Variants in SEC24D observed in about 807,000 individuals in gnomAD.
SEC24D encodes the protein SEC24 homolog D, COPII component, also known as protein transport protein Sec24D.
SEC24D carries 69 observed loss-of-function variants against 116.9 expected under a neutral mutation model. That is an observed-to-expected ratio of 0.59 (90% CI 0.49 to 0.72). The LOEUF (loss-of-function observed/expected upper bound fraction) is 0.72, where lower values mean the gene tolerates loss of function less well. SEC24D is among the 30% of genes least tolerant of loss of function. The pLI is 0.00. For synonymous variants in SEC24D, 405 were observed against 442.8 expected, an observed-to-expected ratio of 0.91 and a Z score of 1.07; for missense variants, 1,131 against 1,264.1, an observed-to-expected ratio of 0.89 and a Z score of 1.60.
At chr4:118,809,073 A>G (rs1452011310) in intron 6 of SEC24D, among the ~76,000 whole-genome samples, 5 of 151,692 alleles carry the variant, frequency 3.3e-5, no homozygotes, top group Non-Finnish European at 7.4e-5. Flanking sequence ...TCCCAGGTTC[A>G]TGCCATTCTC....
intron 8 of SEC24D, among the ~76,000 whole-genome samples, chr4:118,793,317 ATTAGCCGGGC>A (rs1729020445): frequency 6.6e-6 from 1 of 151,414 alleles, no homozygotes; most frequent in Admixed American, 6.6e-5. Flanking sequence ...AATACAAAAA[ATTAGCCGGGC>A]GTAGTGGCGG....
At chr4:118,781,438 A>G (rs1014640177) in intron 8 of SEC24D, among the ~76,000 whole-genome samples, 3 of 152,006 alleles carry the variant, frequency 2.0e-5, no homozygotes, top group African/African-American at 7.3e-5. Flanking sequence ...TGGCTTGTAG[A>G]GTTTTTGCCT....
chr4:118,825,614 T>C (rs1185689416), intron 2 of SEC24D: 3 of 456,174 alleles, frequency 6.6e-6, no homozygotes, highest in Middle Eastern at 3.3e-4. Flanking sequence ...ACCTCAGTTT[T>C]CTTCCTGTAA....
At chr4:118,812,211 T>C (rs4834706) in intron 6 of SEC24D, among the ~76,000 whole-genome samples, 51,253 of 152,062 alleles carry the variant, frequency 0.34, 10,119 homozygotes, top group East Asian at 0.55. Context: ...CTATCTATGA[T>C]GGGCAGAGTG....
chr4:118,807,520 AG>A (rs1729725258), intron 6 of SEC24D, among the ~76,000 whole-genome samples: 1 of 151,072 alleles, frequency 6.6e-6, no homozygotes, highest in Admixed American at 6.6e-5. Context: ...GTGTAAGAAG[AG>A]GAAAAAAAAA....
intron 3 of SEC24D, among the ~76,000 whole-genome samples, chr4:118,818,203 G>A (rs34057511): frequency 0.35 from 53,937 of 152,026 alleles, 10,632 homozygotes; most frequent in East Asian, 0.55. Flanking sequence ...CTGCCTGAGA[G>A]TCACATTATA....
chr4:118,835,901 G>C (rs1364450931), intron 1 of SEC24D, 40 bp downstream of exon 1: 1 of 152,400 alleles, frequency 6.6e-6, no homozygotes, highest in Non-Finnish European at 1.5e-5. Context: ...CCTGGGCAGG[G>C]CTGTCCCGCA....
At chr4:118,724,160 T>C (rs1000637570) in intron 22 of SEC24D, among the ~76,000 whole-genome samples, 7 of 151,850 alleles carry the variant, frequency 4.6e-5, no homozygotes, top group Admixed American at 3.3e-4. Context: ...ATTCGTGAGA[T>C]GAGGGACACT....
intron 3 of SEC24D, among the ~76,000 whole-genome samples, chr4:118,819,571 A>C (rs953603533): frequency 6.6e-6 from 1 of 151,600 alleles, no homozygotes; most frequent in African/African-American, 2.4e-5. Context: ...CATAGGGAAT[A>C]AATGAAGTAA....
In SEC24D at chr4:118,824,657, G is replaced by T. The variant is rs765694539; in HGVS notation, c.211C>A (p.Gln71Lys). The T allele has an allele frequency of 6.2e-7, 1 of 1,607,274 alleles. No homozygotes were observed. Among genetic ancestry groups the T allele is most frequent in the Non-Finnish European group, 8.5e-7 (1 of 1,177,604 alleles). The change falls in exon 3 of 23, where the codon CAG becomes AAG. Residue 71 changes from glutamine (Q) to lysine (K), a missense_variant. Gln to Lys is a moderately conservative substitution (Grantham distance 53). Transcript: ENST00000280551. ...TGACCAGTGGCATGAGCTCCATTCT[G>T]ACCAAACTGATGGGGTCCAGGAGGT... ...PPPPGPHQFG[Q>K]NGAHATGHPP...
At chr4:118,783,229 C>T (rs1728509604) in intron 8 of SEC24D, among the ~76,000 whole-genome samples, 2 of 152,182 alleles carry the variant, frequency 1.3e-5, no homozygotes, top group Admixed American at 6.5e-5. Flanking sequence ...CCTATTCGAC[C>T]ATCTTGGAAC....
At chr4:118,756,511 A>G (rs1331135368) in intron 11 of SEC24D, among the ~76,000 whole-genome samples, 3 of 152,180 alleles carry the variant, frequency 2.0e-5, no homozygotes, top group Admixed American at 2.0e-4. Context: ...TCTGAGCCTC[A>G]CATCTCCCAA....
Position 118,784,380 on chromosome 4 carries a change from T to C in SEC24D, c.1041+13303A>G, listed in dbSNP as rs146262920. The stretch of plus-strand genomic sequence containing the variant: ...GCTTTTCTGTAAGAAAGAAGAAATA[T>C]AGACAAAATTATGTTTGAACTATTT... On this transcript the variant is annotated intron_variant, in intron 8 of 22. Transcript: ENST00000280551. Among the ~76,000 whole-genome samples the C allele has an allele frequency of 1.3e-3, 198 of 152,270 alleles. 1 individual carries two copies. Among genetic ancestry groups the C allele is most frequent in the African/African-American group, 4.5e-3 (187 of 41,568 alleles).
chr4:118,792,247 CG>C (rs984544853), intron 8 of SEC24D, among the ~76,000 whole-genome samples: 5 of 151,214 alleles, frequency 3.3e-5, no homozygotes, highest in South Asian at 2.1e-4. Context: ...ACCCTCCGCC[CG>C]GCAGCCGCCC....
chr4:118,741,430 A>C (rs574828796), intron 15 of SEC24D, among the ~76,000 whole-genome samples: 1 of 152,286 alleles, frequency 6.6e-6, no homozygotes, highest in East Asian at 1.9e-4. Flanking sequence ...GTCTGACCAC[A>C]TTCAGAGCTT....
At chr4:118,770,463 G>C (rs1029086871) in intron 8 of SEC24D, among the ~76,000 whole-genome samples, 4 of 152,172 alleles carry the variant, frequency 2.6e-5, no homozygotes, top group African/African-American at 9.7e-5. Flanking sequence ...CATGACTCCA[G>C]TTACTGCTCT....
At chr4:118,776,160 G>A (rs1293502974) in intron 8 of SEC24D, among the ~76,000 whole-genome samples, 2 of 152,006 alleles carry the variant, frequency 1.3e-5, no homozygotes, top group East Asian at 1.9e-4. Flanking sequence ...GGAAAGGGAG[G>A]GAGACAGAGA....
intron 13 of SEC24D, among the ~76,000 whole-genome samples, chr4:118,747,102 T>G (rs1726573375): frequency 6.6e-6 from 1 of 152,154 alleles, no homozygotes; most frequent in Admixed American, 6.5e-5. Flanking sequence ...CAGGTATATG[T>G]ACGCTGCATA....
At chr4:118,825,289 C>T (rs1365747185) in intron 2 of SEC24D, among the ~76,000 whole-genome samples, 4 of 152,230 alleles carry the variant, frequency 2.6e-5, no homozygotes, top group African/African-American at 9.6e-5. Context: ...AGAATCCTAA[C>T]TGGCTGGATG....
Sources: gnomAD v4.1 joint callset for allele counts (sites outside exome capture counted in the v4.1 genomes callset) on GRCh38, gnomAD v4.1.1 for gene constraint, MANE v1.5 for transcripts, NCBI Gene and HGNC (gene_info 2026-07-23, HGNC 2026-07-21) for gene names.